SDK1: variants seen among roughly 807,000 people sequenced by gnomAD.
The protein encoded by SDK1 is protein sidekick-1.
In SDK1, 157 loss-of-function variants were observed where a neutral mutation model predicts 245.5. The ratio of observed to expected loss-of-function variants is 0.64; its 90% CI spans 0.56 to 0.73. SDK1 has a LOEUF of 0.73. SDK1 is among the 30% of genes least tolerant of loss of function. SDK1 has a pLI of 0.00. For missense variants in SDK1, 3,583 were observed against 3,002.3 expected (o/e 1.19, Z -4.52); for synonymous variants, 1,647 against 1,278.5 (o/e 1.29, Z -6.15).
intron 1 of SDK1, among the ~76,000 whole-genome samples, chr7:3,325,709 C>CA (rs1335515949): frequency 2.0e-5 from 3 of 152,158 alleles, no homozygotes; most frequent in Middle Eastern, 3.4e-3. Context: ...ATATCTGTTA[C>CA]AAAAGTACCA....
chr7:4,031,874 A>G (rs900336804), intron 17 of SDK1, among the ~76,000 whole-genome samples: 2 of 152,120 alleles, frequency 1.3e-5, no homozygotes, highest in African/African-American at 2.4e-5. Flanking sequence ...TGAAAATACA[A>G]AAATTAGCCG....
intron 4 of SDK1, among the ~76,000 whole-genome samples, chr7:3,708,252 A>G (rs1182984748): frequency 6.6e-6 from 1 of 151,958 alleles, no homozygotes; most frequent in Non-Finnish European, 1.5e-5. Context: ...GTGGCACTAA[A>G]CCATTCATGA....
chr7:3,918,019 T>C (rs897723573), intron 5 of SDK1, among the ~76,000 whole-genome samples: 3 of 152,210 alleles, frequency 2.0e-5, no homozygotes, highest in African/African-American at 4.8e-5. Flanking sequence ...AAGGGCCTTA[T>C]GTGTAATTCA....
At chr7:4,086,286 T>C (rs759885913) in intron 22 of SDK1, among the ~76,000 whole-genome samples, 54 of 152,172 alleles carry the variant, frequency 3.5e-4, no homozygotes, top group Non-Finnish European at 7.5e-4. Flanking sequence ...TGTGTATTAG[T>C]ATTATATCAC....
intron 4 of SDK1, among the ~76,000 whole-genome samples, chr7:3,671,744 A>AT (rs5882001): frequency 0.33 from 50,768 of 152,092 alleles, 8,673 homozygotes; most frequent in East Asian, 0.4. Flanking sequence ...AACCTAATGC[A>AT]TTTTTTGGTG....
At chr7:3,912,816 G>A (rs564466664) in intron 5 of SDK1, among the ~76,000 whole-genome samples, 3 of 152,188 alleles carry the variant, frequency 2.0e-5, no homozygotes, top group South Asian at 4.1e-4. Flanking sequence ...AAGAAGACCC[G>A]ATTTCTTTAT....
intron 4 of SDK1, among the ~76,000 whole-genome samples, chr7:3,713,345 A>G (rs992623592): frequency 9.2e-5 from 14 of 152,182 alleles, no homozygotes; most frequent in African/African-American, 2.9e-4. Flanking sequence ...CAGAAATCCT[A>G]TTCCTCAAGA....
intron 1 of SDK1, among the ~76,000 whole-genome samples, chr7:3,454,166 C>A (rs191739004): frequency 6.6e-6 from 1 of 152,084 alleles, no homozygotes; most frequent in East Asian, 1.9e-4. Flanking sequence ...CTTACTCATT[C>A]TATAAAAATT....
In SDK1 at chr7:3,803,629, A is replaced by G. The variant is rs559623920; in HGVS notation, c.714-17821A>G. On this transcript the variant is annotated intron_variant, in intron 4 of 44. Transcript: ENST00000404826. ...CCTGTTACACTTTCCCCATTTTCTAATTGGATTTTTTTAATTGTTGACTTT... is the reference window on the plus strand; with the variant it reads ...CCTGTTACACTTTCCCCATTTTCTAGTTGGATTTTTTTAATTGTTGACTTT... Among the ~76,000 whole-genome samples the G allele has an allele frequency of 3.3e-5, 5 of 151,610 alleles. No homozygotes were observed. In the South Asian group the frequency reaches 8.3e-4, roughly 25 times the overall value.
chr7:3,432,206 C>G (rs1779872395), intron 1 of SDK1, among the ~76,000 whole-genome samples: 1 of 149,488 alleles, frequency 6.7e-6, no homozygotes, highest in South Asian at 2.1e-4. Flanking sequence ...TTGGGGTGAA[C>G]TTTTTCCAGG....
At chr7:3,566,428 T>G (rs1258242604) in intron 1 of SDK1, among the ~76,000 whole-genome samples, 1 of 152,080 alleles carries the variant, frequency 6.6e-6, no homozygotes, top group Admixed American at 6.6e-5. Context: ...GGTTTCACTG[T>G]GTTAGCCAGG....
chr7:4,091,972 G>A (rs1781832652), intron 22 of SDK1, among the ~76,000 whole-genome samples: 2 of 152,054 alleles, frequency 1.3e-5, no homozygotes, highest in African/African-American at 4.8e-5. Flanking sequence ...CATCCCCCAG[G>A]AAAGACATCG....
chr7:3,997,794 A>G lies in SDK1; in HGVS notation c.2131+10472A>G, dbSNP rs539067418. 3.3e-5 allele frequency among the ~76,000 whole-genome samples: 5 copies of G among 152,208 alleles called. No individual in the cohort carries two copies. The South Asian group carries it at 1.0e-3, about 32-fold the overall frequency. ...AGCCTCCAGGCCCTCACTGGCCTGA[A>G]GGTGGGGCCTCACCGGAGACCCACC... On this transcript the variant is annotated intron_variant, in intron 14 of 44. Coordinates refer to ENST00000404826, the MANE Select transcript of SDK1 (RefSeq NM_152744.4).
At chr7:3,596,513 C>T (rs569149810) in intron 1 of SDK1, among the ~76,000 whole-genome samples, 17 of 152,226 alleles carry the variant, frequency 1.1e-4, no homozygotes, top group Non-Finnish European at 2.4e-4. Context: ...GTGCATAAGC[C>T]GGTAAGTTTT....
At chr7:4,192,465 C>T (rs1783264664) in intron 35 of SDK1, among the ~76,000 whole-genome samples, 1 of 152,124 alleles carries the variant, frequency 6.6e-6, no homozygotes, top group South Asian at 2.1e-4. Context: ...TTAGTAGAGA[C>T]AGGGTTTCAC....
At chr7:3,790,043 A>T (rs1295809856) in intron 4 of SDK1, among the ~76,000 whole-genome samples, 1 of 152,130 alleles carries the variant, frequency 6.6e-6, no homozygotes, top group East Asian at 1.9e-4. Context: ...ATAGTTATTC[A>T]GCGGAGAAGT....
rs1428189942 is a variant in SDK1, at chr7:4,265,579, C to G, written c.*195C>G. 1.8e-5 allele frequency: 24 copies of G among 1,340,662 alleles called. No homozygotes were observed. The highest frequency in any genetic ancestry group is 2.3e-5 in the Non-Finnish European group (24 of 1,055,262). The allele number at this position is 1,340,662 out of a possible 1,614,324, so 83.0% of individuals were successfully genotyped here. ...TTTTTTAAACGGCTTTTTGTAACTT[C>G]GCTGCAGGAAGCAGGTTTGTTTCTT... On this transcript the variant is annotated 3_prime_UTR_variant, in exon 45 of 45. Transcript: ENST00000404826.
chr7:3,316,648 C>A (rs1275072036), intron 1 of SDK1, among the ~76,000 whole-genome samples: 1 of 152,134 alleles, frequency 6.6e-6, no homozygotes, highest in Non-Finnish European at 1.5e-5. Context: ...TGAGAATGCC[C>A]TAGTAGATGT....
At chr7:3,338,315 C>G (rs998469015) in intron 1 of SDK1, 13 of 495,860 alleles carry the variant, frequency 2.6e-5, no homozygotes, top group African/African-American at 2.6e-4. Context: ...CTGCAAGAGT[C>G]TACGATGTTA....
Sources: gnomAD v4.1 joint callset for allele counts (sites outside exome capture counted in the v4.1 genomes callset) on GRCh38, gnomAD v4.1.1 for gene constraint, MANE v1.5 for transcripts, NCBI Gene and HGNC (gene_info 2026-07-23, HGNC 2026-07-21) for gene names.